The following MDM2 variants were observed in gnomAD, a reference collection of about 807,000 sequenced individuals.
MDM2 encodes MDM2 proto-oncogene.
A neutral mutation model predicts 64.3 loss-of-function variants in MDM2; 11 were observed. The ratio of observed to expected loss-of-function variants is 0.17; its 90% CI spans 0.11 to 0.28. The LOEUF (loss-of-function observed/expected upper bound fraction) is 0.28. MDM2 is among the 10% of genes least tolerant of loss of function. The probability of loss-of-function intolerance (pLI) is 1.00; values close to 1 mark genes in which losing one functional copy is unlikely to be tolerated. For synonymous variants in MDM2, 194 were observed against 192.9 expected, an observed-to-expected ratio of 1.01 and a Z score of -0.05; for missense variants, 388 against 577.1, an observed-to-expected ratio of 0.67 and a Z score of 3.36.
chr12:68,850,561 C>T, the MDM2 span: 1 of 152,132 alleles, frequency 6.6e-6, no homozygotes, highest in African/African-American at 2.4e-5. Flanking sequence ...ATGACTAAGT[C>T]GATATTAGCA....
intron 8 of MDM2, among the ~76,000 whole-genome samples, chr12:68,831,463 T>G (rs1882790495): frequency 6.6e-6 from 1 of 152,140 alleles, no homozygotes. Flanking sequence ...CCATGACATT[T>G]TACACACGGG....
intron 10 of MDM2, among the ~76,000 whole-genome samples, chr12:68,837,198 C>A (rs1883382905): frequency 6.6e-6 from 1 of 152,016 alleles, no homozygotes; most frequent in Non-Finnish European, 1.5e-5. Context: ...AAGTGATCTG[C>A]CCACCTTGGT....
At chr12:68,822,569 A>G (rs1881950066) in intron 5 of MDM2, among the ~76,000 whole-genome samples, 1 of 152,186 alleles carries the variant, frequency 6.6e-6, no homozygotes, top group Admixed American at 6.6e-5. Context: ...AGTTTTCTGA[A>G]GTATGTAACC....
intron 9 of MDM2, 142 bp from the exon 10 acceptor site, chr12:68,836,527 TTAC>T: frequency 1.6e-6 from 1 of 629,770 alleles, no homozygotes; most frequent in Non-Finnish European, 2.9e-6. Flanking sequence ...TTTTCCCCCT[TTAC>T]ACTCACTTAC....
intron 1 of MDM2, chr12:68,808,825 C>A: frequency 1.3e-6 from 1 of 767,842 alleles, no homozygotes; most frequent in Non-Finnish European, 1.6e-6. Context: ...CGGATGATCG[C>A]AGGTGCCTGT....
At position 68,840,506 on chromosome 12, in the gene MDM2, T is replaced by TTTTG. The variant is rs66832434; in HGVS notation, c.*681_*684dup. 143 of 193,602 alleles carry TTTTG rather than the reference T, an allele frequency of 7.4e-4. 1 individual carries two copies. The highest frequency in any genetic ancestry group is 3.9e-4 in the South Asian group (2 of 5,142). The allele number at this position is 193,602 out of a possible 1,614,324, so 12.0% of individuals were successfully genotyped here. ...GTGTGAAAGATTTAGTTTTTTGTTT[T>TTTTG]TTTGTTTGTTTGTTTGTTTGTTTGT... is the stretch of plus-strand genomic sequence containing the variant. On this transcript the variant is annotated 3_prime_UTR_variant, in exon 11 of 11. Coordinates refer to ENST00000258149, the MANE Select transcript of MDM2 (RefSeq NM_002392.6).
chr12:68,828,191 T>A (rs1028505017), intron 7 of MDM2: 1 of 152,266 alleles, frequency 6.6e-6, no homozygotes, highest in Non-Finnish European at 1.5e-5. Context: ...ATGAGTAAAT[T>A]AAACACTTTG....
chr12:68,839,880 C>CT lies in MDM2; in HGVS notation c.*32dup. On this transcript the variant is annotated 3_prime_UTR_variant, in exon 11 of 11. Transcript: ENST00000258149. ...CTGTCTATAAGAGAATTATATATTT[C>CT]TAACTATATAACCCTAGGAATTTAG... 4.4e-6 allele frequency: 7 copies of CT among 1,580,236 alleles called. No homozygotes were observed. The highest frequency in any genetic ancestry group is 6.1e-6 in the Non-Finnish European group (7 of 1,155,836).
chr12:68,843,201 T>C lies in MDM2; in HGVS notation c.*3352T>C, dbSNP rs1309397827. On this transcript the variant is annotated 3_prime_UTR_variant, in exon 11 of 11. Transcript: ENST00000258149. The stretch of plus-strand genomic sequence containing the variant: ...ACTTTTAATGGGTACAGAGTTAAAT[T>C]TGAAGGAATAAGTTCTAGCTGAAGT... The C allele has an allele frequency of 4.4e-6, 1 of 225,024 alleles. No homozygotes were observed. The highest frequency in any genetic ancestry group is 5.7e-5 in the Admixed American group (1 of 17,480). The allele number at this position is 225,024 out of a possible 1,614,324, so 13.9% of individuals were successfully genotyped here.
intron 5 of MDM2, 148 bp downstream of exon 5, chr12:68,820,522 G>GT: frequency 1.5e-6 from 1 of 652,442 alleles, no homozygotes; most frequent in Non-Finnish European, 2.7e-6. Flanking sequence ...TTTATTAGAA[G>GT]TACATATGAA....
Position 68,820,119 on chromosome 12 carries a change from TA to T in MDM2, c.309-205del, listed in dbSNP as rs1412012356. 5.3e-5 allele frequency among the ~76,000 whole-genome samples: 8 copies of T among 152,334 alleles called. No homozygotes were observed. In the East Asian group the frequency reaches 1.3e-3, roughly 26 times the overall value. On this transcript the variant is annotated intron_variant, in intron 4 of 10. Transcript: ENST00000258149. ...TTTCAGCTAGAGAGACTTTAGTAAT[TA>T]TTAAAAGTAGCTGTACATAATCATT... is the stretch of plus-strand genomic sequence containing the variant.
intron 3 of MDM2, among the ~76,000 whole-genome samples, chr12:68,813,929 G>A (rs943102829): frequency 2.0e-5 from 3 of 152,198 alleles, no homozygotes; most frequent in African/African-American, 2.4e-5. Flanking sequence ...GAAATAAAAT[G>A]TATAGAATTA....
intron 3 of MDM2, among the ~76,000 whole-genome samples, chr12:68,814,147 GATTC>G (rs1481903528): frequency 6.6e-6 from 1 of 152,222 alleles, no homozygotes; most frequent in East Asian, 1.9e-4. Flanking sequence ...CCGCCTCCTA[GATTC>G]AAGCCCTTCT....
rs2136183909 is a variant in MDM2 at position 68,841,445 on chromosome 12, T to C, written c.*1596T>C. ...CCAGCCTCTTTTGTATAAACCATAG[T>C]AAGGGATGGGAGTAATGATGTTATC... On this transcript the variant is annotated 3_prime_UTR_variant, in exon 11 of 11. Coordinates refer to ENST00000258149, the MANE Select transcript of MDM2 (RefSeq NM_002392.6). 1 of 206,254 alleles carries C rather than the reference T, an allele frequency of 4.8e-6. No individual in the cohort carries two copies. The highest frequency in any genetic ancestry group is 2.3e-5 in the African/African-American group (1 of 43,834). The allele number at this position is 206,254 out of a possible 1,614,324, so 12.8% of individuals were successfully genotyped here. A position where few individuals can be genotyped will look rare whatever the true frequency, so the allele number is the denominator to read the frequency against.
chr12:68,845,698 A>G, downstream of MDM2: 1 of 171,408 alleles, frequency 5.8e-6, no homozygotes, highest in Non-Finnish European at 1.3e-5. Flanking sequence ...TACAACTTAG[A>G]TGTCCAGCCA....
At chr12:68,822,870 A>G (rs1049854157) in intron 5 of MDM2, among the ~76,000 whole-genome samples, 19 of 151,834 alleles carry the variant, frequency 1.3e-4, no homozygotes, top group African/African-American at 4.6e-4. Flanking sequence ...CCTCCCGAGT[A>G]GGTGGGATTA....
chr12:68,817,080 C>T, intron 4 of MDM2, 135 bp downstream of exon 4: 1 of 985,858 alleles, frequency 1.0e-6, no homozygotes, highest in Non-Finnish European at 1.4e-6. Flanking sequence ...TTTTTTAGCT[C>T]TGCGGCATAT....
In MDM2 at chr12:68,840,108, T is replaced by G. The variant is rs1883637853; in HGVS notation, c.*259T>G. On this transcript the variant is annotated 3_prime_UTR_variant, in exon 11 of 11. Transcript: ENST00000258149. ...CTGTCTTAAATGAGAAGTACTTGGT[T>G]TTTTTTTTTCTTAAATATGTATATG... is the stretch of plus-strand genomic sequence containing the variant. 2.6e-6 allele frequency: 1 copy of G among 388,636 alleles called. No homozygotes were observed. Among genetic ancestry groups the G allele is most frequent in the African/African-American group, 2.2e-5 (1 of 45,846 alleles). 24.1% of individuals were successfully genotyped at this position (388,636 alleles called of 1,614,324 possible). A position where few individuals can be genotyped will look rare whatever the true frequency, so the allele number is the denominator to read the frequency against.
intron 1 of MDM2, 132 bp downstream of exon 1, chr12:68,808,623 C>CGGGGCAT (rs1204685191): frequency 1.6e-5 from 19 of 1,186,540 alleles, no homozygotes; most frequent in Middle Eastern, 6.3e-4. Flanking sequence ...GCGCGGGGCG[C>CGGGGCAT]GGGGCATGGG....
Sources: gnomAD v4.1 joint callset for allele counts (sites outside exome capture counted in the v4.1 genomes callset) on GRCh38, gnomAD v4.1.1 for gene constraint, MANE v1.5 for transcripts, NCBI Gene and HGNC (gene_info 2026-07-23, HGNC 2026-07-21) for gene names.